Variants in UCHL1 observed in about 807,000 individuals in gnomAD.
The protein encoded by UCHL1 is ubiquitin C-terminal hydrolase L1, also known as ubiquitin carboxyl-terminal hydrolase isozyme L1.
A neutral mutation model predicts 33.3 loss-of-function variants in UCHL1; 5 were observed. The observed-to-expected ratio is 0.15, with a 90% CI of 0.08 to 0.32. The LOEUF is 0.32. Among genes scored for constraint, UCHL1 ranks in the 10% least tolerant of loss-of-function variants. UCHL1 has a pLI of 1.00. For missense variants in UCHL1, 236 were observed against 280.0 expected (o/e 0.84, Z 1.12); for synonymous variants, 132 against 108.8 (o/e 1.21, Z -1.33).
chr4:41,262,727 C>T (rs1781092549), intron 6 of UCHL1, among the ~76,000 whole-genome samples: 1 of 152,010 alleles, frequency 6.6e-6, no homozygotes, highest in Admixed American at 6.6e-5. Flanking sequence ...TCATCTCAGC[C>T]TCCCGAGTAG....
At chr4:41,263,138 CAGTT>C in intron 6 of UCHL1, 83 bp from the exon 7 acceptor site, 3 of 1,031,290 alleles carry the variant, frequency 2.9e-6, no homozygotes, top group Non-Finnish European at 4.6e-6. Context: ...AAAATCAAGT[CAGTT>C]CAAGCACATT....
At chr4:41,261,996 C>A in intron 6 of UCHL1, 73 bp downstream of exon 6, 1 of 1,578,878 alleles carries the variant, frequency 6.3e-7, no homozygotes, top group Non-Finnish European at 8.6e-7. Flanking sequence ...GTGCAGGAAT[C>A]TCTTACTGGA....
intron 6 of UCHL1, 79 bp from the exon 7 acceptor site, chr4:41,263,146 G>GCA: frequency 9.0e-7 from 1 of 1,116,362 alleles, no homozygotes; most frequent in African/African-American, 1.5e-5. Flanking sequence ...GTCAGTTCAA[G>GCA]CACATTTCAC....
chr4:41,260,851 T>C, intron 4 of UCHL1, 54 bp downstream of exon 4: 1 of 1,613,102 alleles, frequency 6.2e-7, no homozygotes, highest in Non-Finnish European at 8.5e-7. Context: ...AAACATGGAG[T>C]TCAGAAACAG....
chr4:41,260,586 T>C (rs1375437857), intron 3 of UCHL1, 61 bp from the exon 4 acceptor site: 1 of 1,588,142 alleles, frequency 6.3e-7, no homozygotes. Flanking sequence ...AGAACTCATG[T>C]GCTGCCATCT....
chr4:41,267,481 C>G (rs533204417), intron 8 of UCHL1, among the ~76,000 whole-genome samples: 2 of 152,072 alleles, frequency 1.3e-5, no homozygotes, highest in Non-Finnish European at 2.9e-5. Context: ...CTCCCAGCCT[C>G]GTGATCCGCC....
At position 41,267,989 on chromosome 4, in the gene UCHL1, C is replaced by T. The variant is rs1030209867; in HGVS notation, c.588C>T (p.Asp196=). 14 of 1,612,706 alleles carry T rather than the reference C, an allele frequency of 8.7e-6. No individual in the cohort carries two copies. Among genetic ancestry groups the T allele is most frequent in the East Asian group, 4.5e-5 (2 of 44,882 alleles). Reference sequence around the variant, plus strand: ...TTAATGACATTTCTCCTTTCCAGGACGCTGCCAAGGTCTGCAGAGAATTCA... The same window carrying T: ...TTAATGACATTTCTCCTTTCCAGGATGCTGCCAAGGTCTGCAGAGAATTCA... The part of the protein sequence containing the change: ...GASSEDTLLK[D]AAKVCREFTE... The change falls in exon 9 of 9, where the codon GAC becomes GAT. Residue 196 remains aspartate, a splice_region_variant and synonymous_variant. Transcript: ENST00000284440.
Position 41,260,430 on chromosome 4 carries a change from G to A in UCHL1, c.175-217G>A, listed in dbSNP as rs149424435. ...GGCAGTCACTGCACTGCAGCACCAGGGTGGAGTCTCCGAACCTCTCAGAGC... is the reference window on the plus strand; with the variant it reads ...GGCAGTCACTGCACTGCAGCACCAGAGTGGAGTCTCCGAACCTCTCAGAGC... On this transcript the variant is annotated intron_variant, in intron 3 of 8. Transcript: ENST00000284440. Among the ~76,000 whole-genome samples the A allele has an allele frequency of 3.4e-3, 515 of 152,340 alleles. 1 individual carries two copies. Among genetic ancestry groups the A allele is most frequent in the African/African-American group, 0.012 (494 of 41,578 alleles).
At chr4:41,257,817 C>A in intron 3 of UCHL1, 80 bp downstream of exon 3, 1 of 1,501,710 alleles carries the variant, frequency 6.7e-7, no homozygotes, top group Non-Finnish European at 8.9e-7. Context: ...GGCTCCCCGC[C>A]CCGCCCCCTC....
intron 4 of UCHL1, 39 bp from the exon 5 acceptor site, chr4:41,261,676 T>C: frequency 6.3e-7 from 1 of 1,597,880 alleles, no homozygotes; most frequent in Non-Finnish European, 8.5e-7. Flanking sequence ...CCCACTTGTA[T>C]TATTTTACCT....
chr4:41,260,583 A>G, intron 3 of UCHL1, 64 bp from the exon 4 acceptor site: 1 of 1,582,356 alleles, frequency 6.3e-7, no homozygotes, highest in African/African-American at 1.3e-5. Flanking sequence ...GGTAGAACTC[A>G]TGTGCTGCCA....
intron 4 of UCHL1, 56 bp from the exon 5 acceptor site, chr4:41,261,659 A>G: frequency 6.4e-7 from 1 of 1,572,630 alleles, no homozygotes. Flanking sequence ...TCAACAATAA[A>G]TATGTACCCA....
Position 41,260,682 on chromosome 4 carries a change from G to C in UCHL1, c.210G>C (p.Leu70=). The stretch of plus-strand genomic sequence containing the variant: ...TCAGGAAAAAGCAGATTGAAGAGCT[G>C]AAGGGACAAGAAGTTAGTCCTAAAG... ...ENFRKKQIEE[L]KGQEVSPKVY... The change falls in exon 4 of 9, where the codon CTG becomes CTC. Residue 70 remains leucine, a synonymous_variant. Coordinates refer to ENST00000284440, the MANE Select transcript of UCHL1 (RefSeq NM_004181.5). 6.2e-7 allele frequency: 1 copy of C among 1,614,256 alleles called. No individual in the cohort carries two copies. The highest frequency in any genetic ancestry group is 8.5e-7 in the Non-Finnish European group (1 of 1,180,044).
chr4:41,258,903 G>T (rs919563180), intron 3 of UCHL1, among the ~76,000 whole-genome samples: 15 of 152,218 alleles, frequency 9.9e-5, no homozygotes, highest in Admixed American at 7.2e-4. Context: ...CTTCCTGGTT[G>T]ACCAAATCAG....
intron 8 of UCHL1, 68 bp from the exon 9 acceptor site, chr4:41,267,919 C>A: frequency 7.2e-7 from 1 of 1,384,304 alleles, no homozygotes; most frequent in South Asian, 1.2e-5. Context: ...GACCTTGGAG[C>A]CTTTCCCTAT....
Position 41,256,964 on chromosome 4 carries a change from G to T in UCHL1, c.-13G>T. 1 of 1,614,150 alleles carries T rather than the reference G, an allele frequency of 6.2e-7. No homozygotes were observed. The highest frequency in any genetic ancestry group is 8.5e-7 in the Non-Finnish European group (1 of 1,180,014). ...GTCTTCCCTAGGCTATTTCTGCCGG[G>T]CGCTCCGCGAAGATGCAGCTCAAGC... On this transcript the variant is annotated 5_prime_UTR_variant, in exon 1 of 9. Transcript: ENST00000284440.
At position 41,256,942 on chromosome 4, in the gene UCHL1, T is replaced by A; in HGVS notation, c.-35T>A. The A allele has an allele frequency of 6.2e-7, 1 of 1,614,082 alleles. No individual in the cohort carries two copies. Among genetic ancestry groups the A allele is most frequent in the Non-Finnish European group, 8.5e-7 (1 of 1,179,988 alleles). On this transcript the variant is annotated 5_prime_UTR_variant, in exon 1 of 9. Transcript: ENST00000284440. Reference sequence around the variant, plus strand: ...GCGGCTCCGCTAGCTGTTTTTCGTCTTCCCTAGGCTATTTCTGCCGGGCGC... The same window carrying A: ...GCGGCTCCGCTAGCTGTTTTTCGTCATCCCTAGGCTATTTCTGCCGGGCGC...
intron 4 of UCHL1, 47 bp from the exon 5 acceptor site, chr4:41,261,668 C>G (rs1781069205): frequency 6.3e-7 from 1 of 1,581,012 alleles, no homozygotes; most frequent in Non-Finnish European, 8.6e-7. Context: ...AATATGTACC[C>G]ACTTGTATTA....
At chr4:41,264,284 T>C (rs930783942) in intron 8 of UCHL1, 123 bp downstream of exon 8, 1 of 1,247,520 alleles carries the variant, frequency 8.0e-7, no homozygotes, top group African/African-American at 1.5e-5. Context: ...ATAGCAGTCT[T>C]TAGGGCTGCA....
Sources: gnomAD v4.1 joint callset for allele counts (sites outside exome capture counted in the v4.1 genomes callset) on GRCh38, gnomAD v4.1.1 for gene constraint, MANE v1.5 for transcripts, NCBI Gene and HGNC (gene_info 2026-07-23, HGNC 2026-07-21) for gene names.